Variants in NME9 observed in about 807,000 individuals in gnomAD.
The protein encoded by NME9 is NME/NM23 family member 9, also known as thioredoxin domain-containing protein 6.
Under a neutral mutation model 44.4 loss-of-function variants are expected in NME9, and 48 were observed. The ratio of observed to expected loss-of-function variants is 1.08; its 90% CI spans 0.86 to 1.37. The LOEUF is 1.37. Among genes scored for constraint, NME9 ranks in the 40% most tolerant of loss-of-function variants. The pLI, the probability that NME9 is intolerant of heterozygous loss-of-function variation, is 0.00. For synonymous variants in NME9, 139 were observed against 147.1 expected, an observed-to-expected ratio of 0.94 and a Z score of 0.40; for missense variants, 325 against 405.2, an observed-to-expected ratio of 0.80 and a Z score of 1.70.
At chr3:138,295,059 C>T (rs145888252) in intron 8 of NME9, among the ~76,000 whole-genome samples, 16 of 152,092 alleles carry the variant, frequency 1.1e-4, no homozygotes, top group Non-Finnish European at 1.8e-4. Flanking sequence ...CTGCCACACT[C>T]GGCTAATTTT....
intron 8 of NME9, among the ~76,000 whole-genome samples, chr3:138,293,175 T>C (rs1220979257): frequency 6.6e-6 from 1 of 152,154 alleles, no homozygotes; most frequent in Non-Finnish European, 1.5e-5. Context: ...AGTAAATGGC[T>C]CTTCCAGATT....
At chr3:138,277,474 G>C (rs978077394) in intron 8 of NME9, among the ~76,000 whole-genome samples, 1 of 152,144 alleles carries the variant, frequency 6.6e-6, no homozygotes, top group Non-Finnish European at 1.5e-5. Context: ...GCCATCCACC[G>C]GAAGGAATAT....
intron 8 of NME9, among the ~76,000 whole-genome samples, chr3:138,271,542 A>G (rs1166296995): frequency 6.6e-6 from 1 of 152,088 alleles, no homozygotes; most frequent in Non-Finnish European, 1.5e-5. Context: ...TCACTCCTCA[A>G]ATCTGTACAA....
intron 8 of NME9, among the ~76,000 whole-genome samples, chr3:138,266,724 T>G (rs545544192): frequency 2.0e-5 from 3 of 152,318 alleles, no homozygotes; most frequent in Admixed American, 2.0e-4. Context: ...CCTGCTTGAT[T>G]CGTCAGTGCT....
intron 8 of NME9, chr3:138,287,842 TATTTGAACATACTAGAA>T: frequency 3.3e-6 from 1 of 306,074 alleles, no homozygotes; most frequent in Non-Finnish European, 6.6e-6. Flanking sequence ...GTGCATAAAT[TATTTGAACATACTAGAA>T]ATTTTTTTTA....
chr3:138,318,013 T>C (rs765730940), intron 4 of NME9, 135 bp downstream of exon 4: 3 of 664,752 alleles, frequency 4.5e-6, no homozygotes, highest in African/African-American at 1.8e-5. Flanking sequence ...ACAGCATCAC[T>C]TGTTTGAATC....
At chr3:138,291,741 G>A (rs2050973069) in intron 8 of NME9, among the ~76,000 whole-genome samples, 1 of 152,206 alleles carries the variant, frequency 6.6e-6, no homozygotes, top group Non-Finnish European at 1.5e-5. Context: ...GATTTCATCT[G>A]GGCAAATGCA....
At chr3:138,274,233 A>ATG (rs142329302) in intron 8 of NME9, among the ~76,000 whole-genome samples, 10,191 of 142,216 alleles carry the variant, frequency 0.072, 708 homozygotes, top group African/African-American at 0.21. Flanking sequence ...GTGTATATAC[A>ATG]TGTGTGTGTG....
intron 8 of NME9, among the ~76,000 whole-genome samples, chr3:138,280,720 C>T (rs1560041315): frequency 2.0e-5 from 3 of 151,688 alleles, no homozygotes; most frequent in Non-Finnish European, 4.4e-5. Context: ...TCTTGAACTC[C>T]GAACCTAGTG....
intron 8 of NME9, chr3:138,264,100 T>C (rs1216935779): frequency 1.3e-6 from 2 of 1,593,410 alleles, no homozygotes; most frequent in African/African-American, 2.7e-5. Flanking sequence ...TTTTGATTTC[T>C]TGTGAAGCTA....
chr3:138,273,829 T>G (rs571116343), intron 8 of NME9, among the ~76,000 whole-genome samples: 2 of 152,164 alleles, frequency 1.3e-5, no homozygotes, highest in African/African-American at 4.8e-5. Flanking sequence ...CCCTTTTTTT[T>G]TTTTTGAGAC....
chr3:138,326,877 C>T (rs1261832364), intron 1 of NME9, among the ~76,000 whole-genome samples: 1 of 150,444 alleles, frequency 6.6e-6, no homozygotes, highest in Non-Finnish European at 1.5e-5. Flanking sequence ...CGTGGTTGCT[C>T]ATGCCTGTAA....
chr3:138,265,191 C>T (rs1010222215), intron 8 of NME9, among the ~76,000 whole-genome samples: 1 of 152,084 alleles, frequency 6.6e-6, no homozygotes, highest in Non-Finnish European at 1.5e-5. Flanking sequence ...AGCCACCATG[C>T]CTGACCCCTG....
At chr3:138,285,352 T>G (rs1467477299) in intron 8 of NME9, among the ~76,000 whole-genome samples, 1 of 152,198 alleles carries the variant, frequency 6.6e-6, no homozygotes, top group East Asian at 1.9e-4. Flanking sequence ...TTGAATAAAG[T>G]TCGTATGCCT....
intron 8 of NME9, among the ~76,000 whole-genome samples, chr3:138,275,413 G>A (rs1159923490): frequency 1.3e-5 from 2 of 152,190 alleles, no homozygotes; most frequent in Non-Finnish European, 2.9e-5. Context: ...CAAAAAATTA[G>A]CCAGGCGCGG....
At chr3:138,317,441 C>G (rs966909318) in intron 4 of NME9, among the ~76,000 whole-genome samples, 1 of 152,144 alleles carries the variant, frequency 6.6e-6, no homozygotes, top group Non-Finnish European at 1.5e-5. Context: ...CATTGCCATC[C>G]GAGCCTGGCA....
intron 8 of NME9, chr3:138,274,636 G>T: frequency 1.1e-6 from 1 of 915,166 alleles, no homozygotes. Flanking sequence ...ATCTGCAGAA[G>T]ACAGAGTGCT....
At chr3:138,267,188 G>A in intron 8 of NME9, 1 of 1,580,662 alleles carries the variant, frequency 6.3e-7, no homozygotes, top group Non-Finnish European at 8.6e-7. Flanking sequence ...AATCCTAGTG[G>A]TAGCATCTTC....
chr3:138,262,195 T>C (rs2047811274), exon 9 of NME9: 4 of 191,842 alleles, frequency 2.1e-5, no homozygotes, highest in Non-Finnish European at 3.2e-5. Context: ...GGGGAAAAGA[T>C]ATGAGGGAGT....
Sources: gnomAD v4.1 joint callset for allele counts (sites outside exome capture counted in the v4.1 genomes callset) on GRCh38, gnomAD v4.1.1 for gene constraint, MANE v1.5 for transcripts, NCBI Gene and HGNC (gene_info 2026-07-23, HGNC 2026-07-21) for gene names.